LINGO2: variants seen among roughly 807,000 people sequenced by gnomAD.
The protein encoded by LINGO2 is leucine-rich repeat and immunoglobulin-like domain-containing nogo receptor-interacting protein 2.
Under a neutral mutation model 30.6 loss-of-function variants are expected in LINGO2, and 14 were observed. The observed-to-expected ratio is 0.46, with a 90% CI of 0.30 to 0.72. The LOEUF (loss-of-function observed/expected upper bound fraction) is 0.72. LINGO2 is among the 30% of genes least tolerant of loss of function. The probability of loss-of-function intolerance (pLI) is 0.07; values close to 1 mark genes in which losing one functional copy is unlikely to be tolerated. For synonymous variants in LINGO2, 317 were observed against 288.5 expected, an observed-to-expected ratio of 1.10 and a Z score of -1.00; for missense variants, 729 against 751.7, an observed-to-expected ratio of 0.97 and a Z score of 0.35.
chr9:28,841,025 C>T, the LINGO2 span, among the ~76,000 whole-genome samples: 39 of 151,828 alleles, frequency 2.6e-4, 1 homozygote, highest in African/African-American at 8.7e-4. Context: ...TTTGTTTTTT[C>T]AGGTGGCTTT....
At chr9:28,118,334 G>C (rs1826995005) in intron 4 of LINGO2, among the ~76,000 whole-genome samples, 1 of 152,042 alleles carries the variant, frequency 6.6e-6, no homozygotes, top group Non-Finnish European at 1.5e-5. Flanking sequence ...ATGAATAGCA[G>C]GTATTATTTA....
At chr9:28,928,420 C>T in the LINGO2 span, among the ~76,000 whole-genome samples, 1,157 of 152,124 alleles carry the variant, frequency 7.6e-3, 4 homozygotes, top group Non-Finnish European at 0.013. Context: ...TCAGTCGTTA[C>T]GATAGTTGAC....
chr9:29,059,326 AAATT>A, the LINGO2 span, among the ~76,000 whole-genome samples: 1 of 151,562 alleles, frequency 6.6e-6, no homozygotes, highest in African/African-American at 2.4e-5. Flanking sequence ...TTACAAAATA[AAATT>A]ATTATACATT....
chr9:28,437,914 C>G (rs531711871), intron 2 of LINGO2, among the ~76,000 whole-genome samples: 2 of 152,108 alleles, frequency 1.3e-5, no homozygotes, highest in African/African-American at 4.8e-5. Context: ...ACCATAGATC[C>G]AACTACCTCC....
intron 5 of LINGO2, among the ~76,000 whole-genome samples, chr9:28,008,671 T>C (rs572366005): frequency 3.3e-5 from 5 of 152,216 alleles, no homozygotes; most frequent in African/African-American, 1.2e-4. Context: ...ATTTAAAAAA[T>C]TGAATTTCCA....
At chr9:28,099,672 G>C (rs1167998440) in intron 4 of LINGO2, among the ~76,000 whole-genome samples, 1 of 152,162 alleles carries the variant, frequency 6.6e-6, no homozygotes, top group Non-Finnish European at 1.5e-5. Context: ...ATTTTTAAAA[G>C]GCAAATATGA....
chr9:28,222,030 T>C (rs1345820819), intron 4 of LINGO2, among the ~76,000 whole-genome samples: 3 of 152,178 alleles, frequency 2.0e-5, no homozygotes, highest in Non-Finnish European at 2.9e-5. Context: ...GGTTTAGAGA[T>C]ATGTTATGAA....
At chr9:28,938,503 T>G in the LINGO2 span, among the ~76,000 whole-genome samples, 1 of 152,210 alleles carries the variant, frequency 6.6e-6, no homozygotes, top group Non-Finnish European at 1.5e-5. Context: ...GGGCCACATA[T>G]ATAATGGTTG....
the LINGO2 span, among the ~76,000 whole-genome samples, chr9:29,113,774 A>C: frequency 6.6e-6 from 1 of 152,332 alleles, no homozygotes; most frequent in South Asian, 2.1e-4. Context: ...GCAAAGCATA[A>C]TCAAAGCAAT....
chr9:29,110,318 C>G, the LINGO2 span, among the ~76,000 whole-genome samples: 2 of 152,104 alleles, frequency 1.3e-5, no homozygotes, highest in Non-Finnish European at 2.9e-5. Context: ...GTCTGTACAG[C>G]TACAGTTTTG....
At chr9:28,821,054 C>G in the LINGO2 span, among the ~76,000 whole-genome samples, 1 of 152,208 alleles carries the variant, frequency 6.6e-6, no homozygotes, top group African/African-American at 2.4e-5. Flanking sequence ...CCCAGCATCT[C>G]TAAGGAAGTT....
chr9:27,984,168 T>C (rs900628100), intron 5 of LINGO2, among the ~76,000 whole-genome samples: 2 of 151,838 alleles, frequency 1.3e-5, no homozygotes, highest in African/African-American at 4.8e-5. Context: ...CTAGCTTGAG[T>C]AGTTTTGAAG....
chr9:28,998,067 T>A, the LINGO2 span, among the ~76,000 whole-genome samples: 97,612 of 151,942 alleles, frequency 0.64, 32,145 homozygotes, highest in Non-Finnish European at 0.72. Flanking sequence ...GGGTTCAGAT[T>A]TGAACCTAGG....
chr9:28,760,803 C>A, the LINGO2 span, among the ~76,000 whole-genome samples: 1 of 151,988 alleles, frequency 6.6e-6, no homozygotes, highest in South Asian at 2.1e-4. Flanking sequence ...AGTCTCCAAT[C>A]TCATCCACAT....
chr9:28,667,679 G>C lies in LINGO2; in HGVS notation c.-365+2521C>G, dbSNP rs776907696. ...GAATTGCTTGAACCCAGTTGGCGGA[G>C]GTTGCAGTGAGCCGAGATTGTGCCA... On this transcript the variant is annotated intron_variant, in intron 1 of 5. Coordinates refer to ENST00000379992, the Ensembl canonical transcript of LINGO2. Among the ~76,000 whole-genome samples the C allele has an allele frequency of 6.6e-5, 10 of 152,152 alleles. 1 individual carries two copies. Among genetic ancestry groups the C allele is most frequent in the African/African-American group, 2.2e-4 (9 of 41,434 alleles).
the LINGO2 span, among the ~76,000 whole-genome samples, chr9:29,189,503 G>C: frequency 1.3e-5 from 2 of 151,696 alleles, no homozygotes; most frequent in Non-Finnish European, 2.9e-5. Context: ...GGGCGGTGGG[G>C]CAGAGGTGCT....
chr9:28,766,838 A>AAG, the LINGO2 span, among the ~76,000 whole-genome samples: 4 of 128,412 alleles, frequency 3.1e-5, no homozygotes, highest in African/African-American at 4.1e-5. Flanking sequence ...GAAGGAGAGA[A>AAG]AGAGAGAGAG....
intron 1 of LINGO2, among the ~76,000 whole-genome samples, chr9:28,622,734 T>C (rs867758168): frequency 7.5e-6 from 1 of 134,208 alleles, no homozygotes; most frequent in African/African-American, 3.0e-5. Flanking sequence ...CTCTATTTTT[T>C]TTTTTTTTTA....
chr9:28,552,378 G>A (rs1422533560), intron 1 of LINGO2, among the ~76,000 whole-genome samples: 1 of 152,038 alleles, frequency 6.6e-6, no homozygotes, highest in Non-Finnish European at 1.5e-5. Context: ...ATACTTTGTT[G>A]CATACTTAGC....
Sources: gnomAD v4.1 joint callset for allele counts (sites outside exome capture counted in the v4.1 genomes callset) on GRCh38, gnomAD v4.1.1 for gene constraint, MANE v1.5 for transcripts, NCBI Gene and HGNC (gene_info 2026-07-23, HGNC 2026-07-21) for gene names.